RERE: variants seen among roughly 807,000 people sequenced by gnomAD.
The protein encoded by RERE is arginine-glutamic acid dipeptide repeats protein.
In RERE, 40 loss-of-function variants were observed where a neutral mutation model predicts 146.1. The observed-to-expected ratio is 0.27, with a 90% confidence interval of 0.21 to 0.36. RERE has a LOEUF of 0.36. RERE is among the 10% of genes least tolerant of loss of function. RERE has a pLI of 1.00. For synonymous variants in RERE, 1,003 were observed against 866.0 expected, an observed-to-expected ratio of 1.16 and a Z score of -2.78; for missense variants, 1,933 against 2,138.7, an observed-to-expected ratio of 0.90 and a Z score of 1.90.
intron 1 of RERE, among the ~76,000 whole-genome samples, chr1:8,733,804 G>C (rs1640140834): frequency 6.6e-6 from 1 of 152,192 alleles, no homozygotes; most frequent in South Asian, 2.1e-4. Flanking sequence ...ATATCATATA[G>C]GAGCTTAATC....
At chr1:8,643,506 G>A (rs1647209192) in intron 2 of RERE, among the ~76,000 whole-genome samples, 1 of 152,052 alleles carries the variant, frequency 6.6e-6, no homozygotes, top group African/African-American at 2.4e-5. Context: ...TAAAATACAG[G>A]GTAAAAAGCA....
intron 11 of RERE, among the ~76,000 whole-genome samples, chr1:8,446,032 C>T (rs984584817): frequency 6.6e-6 from 1 of 152,088 alleles, no homozygotes; most frequent in Non-Finnish European, 1.5e-5. Context: ...TTAGTGCTTC[C>T]TTCAGGAGCT....
At chr1:8,576,458 G>A (rs1277874876) in intron 4 of RERE, among the ~76,000 whole-genome samples, 1 of 152,096 alleles carries the variant, frequency 6.6e-6, no homozygotes, top group Non-Finnish European at 1.5e-5. Context: ...ATTAGTTTCA[G>A]GAATTTAGTC....
intron 10 of RERE, among the ~76,000 whole-genome samples, chr1:8,482,336 T>A (rs973555929): frequency 1.3e-5 from 2 of 152,052 alleles, no homozygotes; most frequent in Admixed American, 1.3e-4. Context: ...AAGCTACATA[T>A]TATCTAAAAA....
Position 8,358,752 on chromosome 1 carries a change from C to T in RERE, c.3783G>A (p.Arg1261=). 2 of 1,610,520 alleles carry T rather than the reference C, an allele frequency of 1.2e-6. No individual in the cohort carries two copies. The highest frequency in any genetic ancestry group is 8.5e-7 in the Non-Finnish European group (1 of 1,177,966). Residue 1261 remains arginine (R), a synonymous_variant, in exon 20 of 23, where the codon CGG becomes CGA. Coordinates refer to ENST00000400908, the MANE Select transcript of RERE (RefSeq NM_001042681.2). The part of the protein sequence containing the change: ...PALRTLSEYA[R]PHVMSPTNRN... ...GGTTGGTGGGCGACATGACGTGGGG[C>T]CGGGCGTACTCGCTCAGAGTCCGAA... is the stretch of plus-strand genomic sequence containing the variant.
At chr1:8,489,700 T>C (rs1644950585) in intron 10 of RERE, among the ~76,000 whole-genome samples, 1 of 152,102 alleles carries the variant, frequency 6.6e-6, no homozygotes, top group South Asian at 2.1e-4. Context: ...TTGGTGAAGA[T>C]GCTAAAGACG....
chr1:8,813,629 TTTTTA>T (rs1181266383), intron 1 of RERE, among the ~76,000 whole-genome samples: 8 of 150,934 alleles, frequency 5.3e-5, no homozygotes, highest in Non-Finnish European at 1.5e-5. Flanking sequence ...TTTTTTTTTT[TTTTTA>T]GACAGAGTCT....
intron 2 of RERE, among the ~76,000 whole-genome samples, chr1:8,644,767 A>C (rs751058722): frequency 6.6e-6 from 1 of 152,148 alleles, no homozygotes; most frequent in Non-Finnish European, 1.5e-5. Context: ...AGGAGCTGGG[A>C]CTACAGATGC....
At chr1:8,378,442 C>T (rs1642336632) in intron 12 of RERE, among the ~76,000 whole-genome samples, 1 of 152,166 alleles carries the variant, frequency 6.6e-6, no homozygotes, top group Non-Finnish European at 1.5e-5. Flanking sequence ...GAAGCTCTAA[C>T]CCCCAGGGCC....
chr1:8,370,735 G>A (rs924809245), intron 12 of RERE, among the ~76,000 whole-genome samples: 2 of 152,172 alleles, frequency 1.3e-5, no homozygotes, highest in African/African-American at 2.4e-5. Context: ...TAGAGGCCTC[G>A]CCAGGAATGA....
intron 1 of RERE, among the ~76,000 whole-genome samples, chr1:8,697,299 T>C (rs1183548003): frequency 6.6e-6 from 1 of 152,088 alleles, no homozygotes; most frequent in African/African-American, 2.4e-5. Flanking sequence ...ATTGTTCAAA[T>C]GTTCAATCTA....
intron 4 of RERE, among the ~76,000 whole-genome samples, chr1:8,582,611 A>G (rs541362302): frequency 1.3e-5 from 2 of 149,648 alleles, no homozygotes; most frequent in Non-Finnish European, 2.9e-5. Context: ...AATGCCAGCT[A>G]CTGGGGAGGC....
chr1:8,801,756 C>T (rs560810126), intron 1 of RERE, among the ~76,000 whole-genome samples: 1 of 152,244 alleles, frequency 6.6e-6, no homozygotes, highest in South Asian at 2.1e-4. Context: ...AAAAAGTAAA[C>T]ATAACCCACT....
At chr1:8,355,958 C>T (rs1641273290) in intron 21 of RERE, 142 bp downstream of exon 21, 1 of 866,960 alleles carries the variant, frequency 1.2e-6, no homozygotes, top group African/African-American at 1.8e-5. Flanking sequence ...CTTGTTCCCC[C>T]ACGGACCCCC....
At chr1:8,768,191 C>G (rs17032767) in intron 1 of RERE, among the ~76,000 whole-genome samples, 1 of 151,938 alleles carries the variant, frequency 6.6e-6, no homozygotes, top group Non-Finnish European at 1.5e-5. Flanking sequence ...GTAAAAAGAA[C>G]GTGTTTCTGG....
At chr1:8,766,601 G>T (rs1640853327) in intron 1 of RERE, among the ~76,000 whole-genome samples, 1 of 151,024 alleles carries the variant, frequency 6.6e-6, no homozygotes, top group South Asian at 2.1e-4. Context: ...ACAGTGGCCT[G>T]AACTAGCGTA....
rs1641546992 is a variant in RERE, at chr1:8,360,942, G to T, written c.2565C>A (p.His855Gln). The T allele has an allele frequency of 1.8e-5, 26 of 1,463,290 alleles. No individual in the cohort carries two copies. The highest frequency in any genetic ancestry group is 2.2e-5 in the Non-Finnish European group (25 of 1,115,084). 90.6% of individuals were successfully genotyped at this position (1,463,290 alleles called of 1,614,324 possible). A position where few individuals can be genotyped will look rare whatever the true frequency, so the allele number is the denominator to read the frequency against. Residue 855 changes from histidine to glutamine, a missense_variant, in exon 18 of 23, where the codon CAC becomes CAA. Coordinates refer to ENST00000400908, the MANE Select transcript of RERE (RefSeq NM_001042681.2). ...PLHGQGPPGP[H>Q]SLQAGPLLQH... Reference sequence around the variant, plus strand: ...GCAGCAGGGGCCCAGCCTGCAGGCTGTGAGGGCCGGGTGGGCCCTGACCGT... The same window carrying T: ...GCAGCAGGGGCCCAGCCTGCAGGCTTTGAGGGCCGGGTGGGCCCTGACCGT...
chr1:8,592,839 T>C (rs1300367991), intron 4 of RERE, among the ~76,000 whole-genome samples: 1 of 152,208 alleles, frequency 6.6e-6, no homozygotes, highest in East Asian at 1.9e-4. Context: ...GAAATTCAAT[T>C]CATAAATTTA....
intron 12 of RERE, among the ~76,000 whole-genome samples, chr1:8,421,166 C>T (rs1251409502): frequency 6.6e-6 from 1 of 152,170 alleles, no homozygotes; most frequent in Non-Finnish European, 1.5e-5. Flanking sequence ...TGGTTTGCAA[C>T]TTTTAGCAGA....
Sources: allele counts gnomAD v4.1 joint callset (sites outside exome capture counted in the v4.1 genomes callset), GRCh38; gene constraint gnomAD v4.1.1; transcripts MANE v1.5; gene names NCBI Gene and HGNC (gene_info 2026-07-23, HGNC 2026-07-21).